Variants in TENM2 observed in about 807,000 individuals in gnomAD.
TENM2 encodes the protein teneurin-2.
Under a neutral mutation model 245.2 loss-of-function variants are expected in TENM2, and 52 were observed. The observed-to-expected ratio is 0.21, with a 90% CI of 0.17 to 0.27. The LOEUF (loss-of-function observed/expected upper bound fraction) is 0.27, where lower values mean the gene tolerates loss of function less well. Ranked by LOEUF, TENM2 falls within the 10% of genes least tolerant of loss-of-function variation. The pLI is 1.00. For synonymous variants in TENM2, 1,363 were observed against 1,438.9 expected (o/e 0.95, Z 1.19); for missense variants, 3,046 against 3,666.8 (o/e 0.83, Z 4.37).
the TENM2 span, among the ~76,000 whole-genome samples, chr5:167,160,318 G>A: frequency 1.3e-5 from 2 of 152,220 alleles, no homozygotes; most frequent in Non-Finnish European, 2.9e-5. Flanking sequence ...CAGGACGGAG[G>A]TCTGGCCGCT....
At chr5:167,115,419 T>G in the TENM2 span, among the ~76,000 whole-genome samples, 1 of 152,246 alleles carries the variant, frequency 6.6e-6, no homozygotes, top group Non-Finnish European at 1.5e-5. Flanking sequence ...CCCTGGGTTT[T>G]CTCCTTAAAA....
intron 2 of TENM2, among the ~76,000 whole-genome samples, chr5:167,612,066 A>G (rs1777511139): frequency 6.6e-6 from 1 of 152,182 alleles, no homozygotes; most frequent in Admixed American, 6.5e-5. Flanking sequence ...AGTTTACATA[A>G]AAAATGAATT....
chr5:168,220,008 C>T (rs1382099551), intron 23 of TENM2, among the ~76,000 whole-genome samples: 3 of 152,052 alleles, frequency 2.0e-5, no homozygotes, highest in Non-Finnish European at 4.4e-5. Flanking sequence ...ATTGCTTCCC[C>T]TGGTTCTGAC....
At chr5:167,699,114 G>A (rs573764474) in intron 2 of TENM2, among the ~76,000 whole-genome samples, 1 of 152,166 alleles carries the variant, frequency 6.6e-6, no homozygotes, top group East Asian at 1.9e-4. Context: ...ATATCTTTTG[G>A]CTTTGATTAG....
intron 2 of TENM2, among the ~76,000 whole-genome samples, chr5:167,750,324 G>A (rs1330359311): frequency 2.0e-5 from 3 of 152,242 alleles, no homozygotes; most frequent in East Asian, 3.9e-4. Context: ...TTTGCCAGGC[G>A]TTGACAGGGT....
chr5:167,348,864 C>T (rs1758640770), intron 1 of TENM2, among the ~76,000 whole-genome samples: 1 of 152,130 alleles, frequency 6.6e-6, no homozygotes, highest in South Asian at 2.1e-4. Context: ...TTCGTGATCT[C>T]AGAGAATTGC....
the TENM2 span, among the ~76,000 whole-genome samples, chr5:167,248,551 A>T: frequency 6.6e-6 from 1 of 152,222 alleles, no homozygotes; most frequent in East Asian, 1.9e-4. Context: ...ACGCTAGAGG[A>T]AGAAGCAGCT....
chr5:167,757,613 G>T (rs1344637265), intron 2 of TENM2, among the ~76,000 whole-genome samples: 1 of 152,084 alleles, frequency 6.6e-6, no homozygotes, highest in Non-Finnish European at 1.5e-5. Context: ...GCCCAGTAAT[G>T]GGATTGCTGG....
intron 2 of TENM2, among the ~76,000 whole-genome samples, chr5:167,500,989 C>A (rs1167275276): frequency 6.6e-6 from 1 of 152,106 alleles, no homozygotes; most frequent in Admixed American, 6.6e-5. Context: ...ATTTGAGACT[C>A]CTTTAGTGTG....
chr5:168,043,289 A>G (rs575882791), intron 5 of TENM2, among the ~76,000 whole-genome samples: 3 of 151,006 alleles, frequency 2.0e-5, no homozygotes, highest in Non-Finnish European at 3.0e-5. Context: ...GGGTCTTCCT[A>G]TGTTACACAG....
intron 6 of TENM2, among the ~76,000 whole-genome samples, chr5:168,059,219 C>T (rs1324323646): frequency 2.6e-5 from 4 of 152,178 alleles, no homozygotes; most frequent in East Asian, 1.9e-4. Flanking sequence ...CACTGGGGCT[C>T]CTTGTCTGAA....
At chr5:168,029,793 A>T (rs1786949963) in intron 5 of TENM2, among the ~76,000 whole-genome samples, 1 of 152,232 alleles carries the variant, frequency 6.6e-6, no homozygotes, top group African/African-American at 2.4e-5. Flanking sequence ...TTAAATCGTT[A>T]GTCTTCCCTA....
chr5:167,940,004 C>T (rs1031262983), intron 3 of TENM2, among the ~76,000 whole-genome samples: 4 of 152,060 alleles, frequency 2.6e-5, no homozygotes, highest in Non-Finnish European at 5.9e-5. Flanking sequence ...CCATTAGTTC[C>T]ATGGGGATTT....
chr5:167,581,046 G>A lies in TENM2; in HGVS notation c.502+205573G>A, dbSNP rs945947656. 1.1e-4 allele frequency among the ~76,000 whole-genome samples: 16 copies of A among 152,120 alleles called. No individual in the cohort carries two copies. In the East Asian group the frequency reaches 2.7e-3, roughly 26 times the overall value. On this transcript the variant is annotated intron_variant, in intron 2 of 28. Transcript: ENST00000518659. ...AACCTTGATTTCCTCTCATATTCAC[G>A]TACATCAGTTGTGGCTTGGACACTT... is the stretch of plus-strand genomic sequence containing the variant.
the TENM2 span, among the ~76,000 whole-genome samples, chr5:167,260,114 T>G: frequency 6.6e-6 from 1 of 152,186 alleles, no homozygotes; most frequent in Non-Finnish European, 1.5e-5. Flanking sequence ...ATTCCTAGCA[T>G]AGTTCTTTTA....
At chr5:168,147,061 G>T (rs1034672870) in intron 12 of TENM2, among the ~76,000 whole-genome samples, 5 of 152,188 alleles carry the variant, frequency 3.3e-5, no homozygotes, top group African/African-American at 4.8e-5. Flanking sequence ...TTCCAAAAAT[G>T]ACTCACTGCT....
intron 2 of TENM2, among the ~76,000 whole-genome samples, chr5:167,457,624 G>T (rs971160513): frequency 1.3e-5 from 2 of 152,128 alleles, no homozygotes; most frequent in African/African-American, 4.8e-5. Flanking sequence ...GGGATTACAG[G>T]CATGAGCTAC....
intron 2 of TENM2, among the ~76,000 whole-genome samples, chr5:167,414,593 C>T (rs1230725096): frequency 6.6e-6 from 1 of 152,064 alleles, no homozygotes; most frequent in Non-Finnish European, 1.5e-5. Flanking sequence ...ACCCACTTCT[C>T]AGCTTCCTCT....
At chr5:167,858,737 C>T (rs991981732) in intron 2 of TENM2, among the ~76,000 whole-genome samples, 4 of 150,802 alleles carry the variant, frequency 2.7e-5, no homozygotes, top group African/African-American at 4.8e-5. Flanking sequence ...CCGCAGCCGC[C>T]GCCGCCCGAC....
Sources: allele counts gnomAD v4.1 joint callset (sites outside exome capture counted in the v4.1 genomes callset), GRCh38; gene constraint gnomAD v4.1.1; transcripts MANE v1.5; gene names NCBI Gene and HGNC (gene_info 2026-07-23, HGNC 2026-07-21).